CFAP97: variants seen among roughly 807,000 people sequenced by gnomAD.
The protein encoded by CFAP97 is cilia and flagella associated protein 97.
In CFAP97, 36 loss-of-function variants were observed where a neutral mutation model predicts 43.1. The ratio of observed to expected loss-of-function variants is 0.84; its 90% CI spans 0.64 to 1.10. CFAP97 has a LOEUF of 1.10. Ranked by LOEUF, CFAP97 falls within the 50% of genes least tolerant of loss-of-function variation. The pLI is 0.00. For synonymous variants in CFAP97, 228 were observed against 225.7 expected, an observed-to-expected ratio of 1.01 and a Z score of -0.09; for missense variants, 657 against 620.3, an observed-to-expected ratio of 1.06 and a Z score of -0.63.
At chr4:185,180,566 T>C (rs574051073) in intron 2 of CFAP97, among the ~76,000 whole-genome samples, 1 of 152,152 alleles carries the variant, frequency 6.6e-6, no homozygotes. Context: ...GGTTCACCCA[T>C]GTAGCATTAT....
chr4:185,201,534 G>A (rs1368082632), intron 1 of CFAP97, among the ~76,000 whole-genome samples: 1 of 151,728 alleles, frequency 6.6e-6, no homozygotes, highest in East Asian at 1.9e-4. Context: ...CCCTCCACCA[G>A]CAAAAAAAAA....
At chr4:185,180,386 T>C (rs1466481835) in intron 2 of CFAP97, among the ~76,000 whole-genome samples, 1 of 152,178 alleles carries the variant, frequency 6.6e-6, no homozygotes, top group Non-Finnish European at 1.5e-5. Context: ...CCTTCCATTG[T>C]GTAAAACAAA....
At chr4:185,185,877 T>A (rs1735988943) in intron 2 of CFAP97, among the ~76,000 whole-genome samples, 1 of 152,032 alleles carries the variant, frequency 6.6e-6, no homozygotes, top group Admixed American at 6.6e-5. Flanking sequence ...TGGGCTCAAG[T>A]GATCTGCCTA....
chr4:185,181,987 T>G (rs1735810248), intron 2 of CFAP97, among the ~76,000 whole-genome samples: 2 of 152,202 alleles, frequency 1.3e-5, no homozygotes, highest in African/African-American at 4.8e-5. Context: ...ACCAGTTTCT[T>G]TGCTCATCAA....
intron 1 of CFAP97, among the ~76,000 whole-genome samples, chr4:185,199,480 C>G (rs1736723498): frequency 6.6e-6 from 1 of 151,972 alleles, no homozygotes; most frequent in African/African-American, 2.4e-5. Context: ...ACCAGCCTGG[C>G]CAACATGGTG....
upstream of CFAP97, chr4:185,204,605 AAT>A (rs1370275890): frequency 6.6e-6 from 1 of 152,262 alleles, no homozygotes; most frequent in Non-Finnish European, 1.5e-5. Context: ...ACAACACGTG[AAT>A]ATGTCACCTT....
At chr4:185,208,389 C>T (rs895285494), upstream of CFAP97, among the ~76,000 whole-genome samples, 7 of 152,130 alleles carry the variant, frequency 4.6e-5, no homozygotes, top group Non-Finnish European at 1.0e-4. Context: ...GGCAAAGTCA[C>T]ATCTAGCATG....
chr4:185,178,076 TGAGAAACATTTA>T (rs1735624703), intron 2 of CFAP97, among the ~76,000 whole-genome samples: 1 of 151,922 alleles, frequency 6.6e-6, no homozygotes, highest in Non-Finnish European at 1.5e-5. Flanking sequence ...AAAACCTGAA[TGAGAAACATTTA>T]GAGAAACAGA....
intron 3 of CFAP97, among the ~76,000 whole-genome samples, chr4:185,165,398 T>C (rs1213195043): frequency 6.6e-6 from 1 of 152,188 alleles, no homozygotes; most frequent in East Asian, 1.9e-4. Flanking sequence ...TAACAGAGAC[T>C]CATGCAGAAT....
chr4:185,175,238 TTCTCTCTCTCTC>T (rs10638706), intron 3 of CFAP97, among the ~76,000 whole-genome samples: 1 of 149,058 alleles, frequency 6.7e-6, no homozygotes, highest in Admixed American at 6.7e-5. Flanking sequence ...AATGGTCTCC[TTCTCTCTCTCTC>T]TCTCTCTCTC....
At chr4:185,170,698 C>T (rs951673778) in intron 3 of CFAP97, among the ~76,000 whole-genome samples, 2 of 151,558 alleles carry the variant, frequency 1.3e-5, no homozygotes, top group African/African-American at 4.8e-5. Flanking sequence ...TTATGAACTG[C>T]CTTAGGCCAG....
intron 1 of CFAP97, among the ~76,000 whole-genome samples, chr4:185,199,408 C>T (rs1295412835): frequency 6.6e-6 from 1 of 151,814 alleles, no homozygotes; most frequent in Non-Finnish European, 1.5e-5. Flanking sequence ...GTGCCTCCCA[C>T]CTATAATCCA....
At chr4:185,200,590 C>A (rs1211993926) in intron 1 of CFAP97, among the ~76,000 whole-genome samples, 2 of 151,912 alleles carry the variant, frequency 1.3e-5, no homozygotes, top group Non-Finnish European at 2.9e-5. Context: ...CAGCAGTGAA[C>A]CGAGCTTGCG....
chr4:185,208,423 G>C (rs1012455846), upstream of CFAP97, among the ~76,000 whole-genome samples: 1 of 152,118 alleles, frequency 6.6e-6, no homozygotes, highest in African/African-American at 2.4e-5. Context: ...TTCTGACTTA[G>C]AAGGTTTAAG....
chr4:185,179,612 G>A (rs1181699132), intron 2 of CFAP97, among the ~76,000 whole-genome samples: 2 of 152,146 alleles, frequency 1.3e-5, no homozygotes, highest in African/African-American at 2.4e-5. Flanking sequence ...GGGCCCTTGG[G>A]TTCTGGCCTT....
intron 2 of CFAP97, among the ~76,000 whole-genome samples, 195 bp downstream of exon 2, chr4:185,189,948 T>C (rs1736157647): frequency 6.6e-6 from 1 of 152,206 alleles, no homozygotes; most frequent in Non-Finnish European, 1.5e-5. Flanking sequence ...AAACACAAAT[T>C]ACTATACAAA....
chr4:185,170,318 C>G (rs1383945981), intron 3 of CFAP97: 1 of 617,604 alleles, frequency 1.6e-6, no homozygotes, highest in Non-Finnish European at 2.9e-6. Flanking sequence ...TGCACTCCAG[C>G]CTGGGTGACA....
chr4:185,183,948 G>A (rs1378764616), intron 2 of CFAP97, among the ~76,000 whole-genome samples: 1 of 152,078 alleles, frequency 6.6e-6, no homozygotes. Context: ...TTATAATTGG[G>A]GAACTGTTCA....
chr4:185,184,627 T>TG (rs1735937856), intron 2 of CFAP97, among the ~76,000 whole-genome samples: 1 of 152,174 alleles, frequency 6.6e-6, no homozygotes, highest in South Asian at 2.1e-4. Flanking sequence ...AGGTCCCTGA[T>TG]GAAGTTTTGA....
Sources: gnomAD v4.1 joint callset for allele counts (sites outside exome capture counted in the v4.1 genomes callset) on GRCh38, gnomAD v4.1.1 for gene constraint, MANE v1.5 for transcripts, NCBI Gene and HGNC (gene_info 2026-07-23, HGNC 2026-07-21) for gene names.